Variants in PKIB observed in about 807,000 individuals in gnomAD.
PKIB encodes cAMP-dependent protein kinase inhibitor beta.
PKIB carries 2 observed loss-of-function variants against 4.5 expected under a neutral mutation model. The ratio of observed to expected loss-of-function variants is 0.44; its 90% confidence interval spans 0.18 to 1.39. PKIB has a LOEUF of 1.39. PKIB is among the 40% of genes most tolerant of loss of function. The probability of loss-of-function intolerance (pLI) is 0.27; values close to 1 mark genes in which losing one functional copy is unlikely to be tolerated. For missense variants in PKIB, 94 were observed against 92.6 expected, an observed-to-expected ratio of 1.02 and a Z score of -0.06; for synonymous variants, 38 against 36.0, an observed-to-expected ratio of 1.06 and a Z score of -0.20.
intron 2 of PKIB, among the ~76,000 whole-genome samples, chr6:122,529,305 C>T (rs553383401): frequency 3.9e-5 from 6 of 152,206 alleles, no homozygotes; most frequent in Non-Finnish European, 5.9e-5. Context: ...ATAACAAGTA[C>T]GTTTAACACA....
chr6:122,543,355 C>CTTT (rs34068830), intron 2 of PKIB, among the ~76,000 whole-genome samples: 44 of 138,804 alleles, frequency 3.2e-4, no homozygotes, highest in Middle Eastern at 3.6e-3. Context: ...CCACCCCCTC[C>CTTT]TTTTTTTTTT....
chr6:122,710,052 T>C (rs998157921), intron 3 of PKIB, among the ~76,000 whole-genome samples: 2 of 152,168 alleles, frequency 1.3e-5, no homozygotes, highest in African/African-American at 4.8e-5. Context: ...ATATTAATAA[T>C]GTAAAGGACC....
intron 2 of PKIB, among the ~76,000 whole-genome samples, chr6:122,499,919 A>G (rs770005743): frequency 7.2e-5 from 11 of 152,162 alleles, no homozygotes; most frequent in Non-Finnish European, 1.6e-4. Flanking sequence ...TTAAGTGGAG[A>G]TCCAACTCAA....
intron 2 of PKIB, among the ~76,000 whole-genome samples, chr6:122,536,322 C>A (rs1301215974): frequency 6.6e-6 from 1 of 152,252 alleles, no homozygotes; most frequent in Admixed American, 6.5e-5. Flanking sequence ...TGCATCACTT[C>A]AAAAATATGT....
chr6:122,543,321 T>C (rs950808169), intron 2 of PKIB, among the ~76,000 whole-genome samples: 5 of 151,562 alleles, frequency 3.3e-5, no homozygotes, highest in Non-Finnish European at 7.4e-5. Flanking sequence ...AGACAGGAGC[T>C]GTTCCTATTC....
chr6:122,722,899 C>T (rs1779799539), intron 4 of PKIB, among the ~76,000 whole-genome samples: 1 of 152,130 alleles, frequency 6.6e-6, no homozygotes, highest in Non-Finnish European at 1.5e-5. Flanking sequence ...ACCACATCAC[C>T]CCACTGCTAT....
chr6:122,710,343 G>C (rs984903435), intron 3 of PKIB, among the ~76,000 whole-genome samples: 7 of 152,110 alleles, frequency 4.6e-5, no homozygotes, highest in African/African-American at 1.7e-4. Context: ...TTCCCTCTTT[G>C]TAGGGAAGAG....
At chr6:122,701,828 G>A (rs1002138361) in intron 3 of PKIB, among the ~76,000 whole-genome samples, 1 of 152,182 alleles carries the variant, frequency 6.6e-6, no homozygotes, top group Non-Finnish European at 1.5e-5. Flanking sequence ...CTGGACAGAT[G>A]AGATCCACAG....
chr6:122,648,584 G>C (rs1362522383), intron 2 of PKIB, among the ~76,000 whole-genome samples: 1 of 152,162 alleles, frequency 6.6e-6, no homozygotes, highest in Non-Finnish European at 1.5e-5. Flanking sequence ...TGTGAAGTAA[G>C]CTCCTTGATC....
At chr6:122,507,610 A>T (rs2114573043) in intron 2 of PKIB, among the ~76,000 whole-genome samples, 1 of 151,318 alleles carries the variant, frequency 6.6e-6, no homozygotes, top group Admixed American at 6.6e-5. Flanking sequence ...TGGTTGGCTG[A>T]AATGTGTATT....
intron 2 of PKIB, among the ~76,000 whole-genome samples, chr6:122,501,574 A>G (rs967505625): frequency 1.3e-5 from 2 of 152,180 alleles, no homozygotes; most frequent in South Asian, 4.1e-4. Context: ...GGCCCCTTTT[A>G]GCGATGGCTG....
At chr6:122,625,424 T>C (rs1200347236) in intron 1 of PKIB, among the ~76,000 whole-genome samples, 1 of 152,154 alleles carries the variant, frequency 6.6e-6, no homozygotes, top group African/African-American at 2.4e-5. Flanking sequence ...ACATGGTAGA[T>C]AAAAAATTTG....
intron 2 of PKIB, among the ~76,000 whole-genome samples, chr6:122,579,067 G>T (rs893153159): frequency 1.3e-5 from 2 of 152,132 alleles, no homozygotes; most frequent in African/African-American, 4.8e-5. Context: ...TTGGGTATGT[G>T]TTCATCAGCA....
At chr6:122,708,898 C>T (rs1279524000) in intron 3 of PKIB, among the ~76,000 whole-genome samples, 2 of 152,106 alleles carry the variant, frequency 1.3e-5, no homozygotes, top group African/African-American at 4.8e-5. Context: ...CTCCCAAAAC[C>T]CTGAGATTAC....
At chr6:122,586,940 C>T (rs72962471) in intron 3 of PKIB, among the ~76,000 whole-genome samples, 28,895 of 152,030 alleles carry the variant, frequency 0.19, 3,455 homozygotes, top group Non-Finnish European at 0.27. Context: ...TAGGAGGGAG[C>T]GATAACTTCA....
intron 2 of PKIB, among the ~76,000 whole-genome samples, chr6:122,662,268 C>G (rs991413314): frequency 7.4e-6 from 1 of 134,328 alleles, no homozygotes; most frequent in Non-Finnish European, 1.6e-5. Context: ...ATTGCCTAAA[C>G]CAAGGTCTCT....
chr6:122,498,862 C>T (rs956690799), intron 2 of PKIB, among the ~76,000 whole-genome samples: 2 of 152,128 alleles, frequency 1.3e-5, no homozygotes, highest in East Asian at 3.9e-4. Context: ...TAAGCTTAAT[C>T]AGAAATGCCA....
intron 3 of PKIB, among the ~76,000 whole-genome samples, chr6:122,595,580 C>A (rs2114731440): frequency 6.6e-6 from 1 of 152,300 alleles, no homozygotes; most frequent in African/African-American, 2.4e-5. Context: ...CAAACCTCTG[C>A]CCTTTCCATG....
At chr6:122,645,920 T>C (rs755538857) in intron 2 of PKIB, among the ~76,000 whole-genome samples, 18 of 152,210 alleles carry the variant, frequency 1.2e-4, no homozygotes, top group Non-Finnish European at 2.5e-4. Context: ...TGTGCTTTAC[T>C]TTATTACTGA....
Sources: gnomAD v4.1 joint callset for allele counts (sites outside exome capture counted in the v4.1 genomes callset) on GRCh38, gnomAD v4.1.1 for gene constraint, MANE v1.5 for transcripts, NCBI Gene and HGNC (gene_info 2026-07-23, HGNC 2026-07-21) for gene names.